ROBO2: variants seen among roughly 807,000 people sequenced by gnomAD.
ROBO2 encodes roundabout guidance receptor 2, also known as roundabout homolog 2.
Under a neutral mutation model 160.8 loss-of-function variants are expected in ROBO2, and 53 were observed. The observed-to-expected ratio is 0.33, with a 90% CI of 0.26 to 0.41. ROBO2 has a LOEUF of 0.41. Among genes scored for constraint, ROBO2 ranks in the 10% least tolerant of loss-of-function variants. The probability of loss-of-function intolerance (pLI) is 1.00; values close to 1 mark genes in which losing one functional copy is unlikely to be tolerated. For synonymous variants in ROBO2, 664 were observed against 611.7 expected (o/e 1.09, Z -1.26); for missense variants, 1,577 against 1,722.4 (o/e 0.92, Z 1.49).
At chr3:77,263,769 T>C (rs2058935893) in intron 2 of ROBO2, among the ~76,000 whole-genome samples, 1 of 152,224 alleles carries the variant, frequency 6.6e-6, no homozygotes, top group Non-Finnish European at 1.5e-5. Flanking sequence ...GTATACCCAG[T>C]AATGGGATTG....
intron 2 of ROBO2, among the ~76,000 whole-genome samples, chr3:76,426,138 C>T (rs912013715): frequency 6.6e-6 from 1 of 151,898 alleles, no homozygotes; most frequent in African/African-American, 2.4e-5. Flanking sequence ...AGGAGAAATC[C>T]GGTTTTTGAA....
intron 2 of ROBO2, among the ~76,000 whole-genome samples, chr3:76,303,896 A>G (rs1202333655): frequency 5.3e-5 from 8 of 152,186 alleles, no homozygotes; most frequent in African/African-American, 1.9e-4. Context: ...ACCCGGTGAT[A>G]CTCAGGTGCT....
chr3:76,461,236 A>G (rs9841387), intron 2 of ROBO2, among the ~76,000 whole-genome samples: 53,782 of 151,926 alleles, frequency 0.35, 9,621 homozygotes, highest in East Asian at 0.4. Context: ...GGGAGGTGTC[A>G]CATACTTTTA....
intron 2 of ROBO2, among the ~76,000 whole-genome samples, chr3:77,188,927 A>C (rs2081534874): frequency 6.8e-6 from 1 of 147,904 alleles, no homozygotes; most frequent in East Asian, 2.0e-4. Context: ...TTGAAACTTG[A>C]AGCCAGATTA....
intron 2 of ROBO2, among the ~76,000 whole-genome samples, chr3:77,114,535 C>T (rs2074004879): frequency 6.6e-6 from 1 of 152,070 alleles, no homozygotes; most frequent in South Asian, 2.1e-4. Flanking sequence ...GAGAAATTAG[C>T]TGTTCATGTA....
chr3:77,565,215 A>G, intron 12 of ROBO2, 95 bp downstream of exon 13: 2 of 1,346,408 alleles, frequency 1.5e-6, no homozygotes, highest in Non-Finnish European at 2.1e-6. Context: ...ATGTGCCTGC[A>G]TTGCTTTGTA....
chr3:77,618,004 T>TAACTAG, intron 22 of ROBO2: 1 of 551,050 alleles, frequency 1.8e-6, no homozygotes, highest in Non-Finnish European at 3.2e-6. Flanking sequence ...ACTGTAACTG[T>TAACTAG]AACTAGAACT....
At chr3:76,334,998 TC>T (rs1450894128) in intron 2 of ROBO2, among the ~76,000 whole-genome samples, 1 of 152,108 alleles carries the variant, frequency 6.6e-6, no homozygotes, top group East Asian at 1.9e-4. Flanking sequence ...ATGCTTTTTT[TC>T]ATCTATTTTT....
At chr3:76,461,592 G>A (rs1196989756) in intron 2 of ROBO2, among the ~76,000 whole-genome samples, 1 of 152,146 alleles carries the variant, frequency 6.6e-6, no homozygotes, top group African/African-American at 2.4e-5. Context: ...GATAAAGAAG[G>A]AATTCTTAAG....
At chr3:76,977,575 CACTT>C (rs2059875531) in intron 2 of ROBO2, among the ~76,000 whole-genome samples, 2 of 152,126 alleles carry the variant, frequency 1.3e-5, no homozygotes, top group Admixed American at 1.3e-4. Context: ...AAATGGTACT[CACTT>C]GGAGAAAGCT....
chr3:76,916,306 T>C (rs2076300485), intron 2 of ROBO2, among the ~76,000 whole-genome samples: 1 of 152,092 alleles, frequency 6.6e-6, no homozygotes, highest in Non-Finnish European at 1.5e-5. Flanking sequence ...GAAAATGAAA[T>C]TGTTAGAAAA....
intron 2 of ROBO2, among the ~76,000 whole-genome samples, chr3:76,883,337 A>G (rs993545490): frequency 6.6e-6 from 1 of 152,150 alleles, no homozygotes; most frequent in Non-Finnish European, 1.5e-5. Flanking sequence ...ATTGAAACCT[A>G]TTCTTAATTA....
chr3:76,565,777 A>T (rs1038815452), intron 2 of ROBO2, among the ~76,000 whole-genome samples: 6 of 152,188 alleles, frequency 3.9e-5, no homozygotes, highest in African/African-American at 1.4e-4. Flanking sequence ...CTGATACATA[A>T]ATAATGAAGG....
chr3:76,319,249 C>T (rs555747235), intron 2 of ROBO2, among the ~76,000 whole-genome samples: 2 of 152,020 alleles, frequency 1.3e-5, no homozygotes, highest in Non-Finnish European at 2.9e-5. Flanking sequence ...GTTCCAAAGT[C>T]TTTTATTGAT....
intron 2 of ROBO2, among the ~76,000 whole-genome samples, chr3:77,396,198 G>T (rs1458093845): frequency 6.6e-6 from 1 of 151,842 alleles, no homozygotes. Context: ...CTATATACAA[G>T]ATTAAGATAA....
chr3:77,192,479 G>A (rs781494873), intron 2 of ROBO2, among the ~76,000 whole-genome samples: 6 of 151,972 alleles, frequency 3.9e-5, no homozygotes, highest in Non-Finnish European at 7.4e-5. Context: ...TGGAATGTTA[G>A]TATTTCTATT....
intron 2 of ROBO2, among the ~76,000 whole-genome samples, chr3:77,366,443 C>T (rs9823708): frequency 0.82 from 124,092 of 151,984 alleles, 50,961 homozygotes; most frequent in East Asian, 1. Context: ...TCTGAGAAGA[C>T]GGCCTGTAGG....
chr3:76,678,295 T>G (rs551384708), intron 2 of ROBO2, among the ~76,000 whole-genome samples: 4 of 151,792 alleles, frequency 2.6e-5, no homozygotes, highest in Admixed American at 1.3e-4. Context: ...AATTGTCGAG[T>G]TTTTTCTTCT....
At chr3:77,304,655 C>CA (rs748682286) in intron 2 of ROBO2, among the ~76,000 whole-genome samples, 1 of 152,138 alleles carries the variant, frequency 6.6e-6, no homozygotes, top group Non-Finnish European at 1.5e-5. Context: ...TACCGCATCT[C>CA]ACGAAGGCCA....
Sources: gnomAD v4.1 joint callset for allele counts (sites outside exome capture counted in the v4.1 genomes callset) on GRCh38, gnomAD v4.1.1 for gene constraint, MANE v1.5 for transcripts, NCBI Gene and HGNC (gene_info 2026-07-23, HGNC 2026-07-21) for gene names.